MALRD1: variants seen among roughly 807,000 people sequenced by gnomAD.
MALRD1 encodes the protein MAM and LDL-receptor class A domain-containing protein 1.
In MALRD1, 247 loss-of-function variants were observed where a neutral mutation model predicts 242.1. That is an observed-to-expected ratio of 1.02 (90% confidence interval 0.92 to 1.13). The LOEUF (loss-of-function observed/expected upper bound fraction) is 1.13, where lower values mean the gene tolerates loss of function less well. Among genes scored for constraint, MALRD1 ranks in the 50% most tolerant of loss-of-function variants. The pLI is 0.00. For missense variants in MALRD1, 2,989 were observed against 2,533.1 expected (o/e 1.18, Z -3.86); for synonymous variants, 995 against 866.6 (o/e 1.15, Z -2.60).
chr10:19,347,398 A>G (rs1008519128), intron 24 of MALRD1, among the ~76,000 whole-genome samples: 1 of 152,194 alleles, frequency 6.6e-6, no homozygotes, highest in Non-Finnish European at 1.5e-5. Context: ...GCATTACCCA[A>G]CCTAAAATGT....
intron 36 of MALRD1, among the ~76,000 whole-genome samples, chr10:19,667,192 C>T (rs757297313): frequency 2.6e-5 from 4 of 152,096 alleles, no homozygotes; most frequent in Non-Finnish European, 5.9e-5. Context: ...TTCTGTGGCT[C>T]ACACCTATAA....
At chr10:19,606,423 C>G (rs1055472838) in intron 34 of MALRD1, among the ~76,000 whole-genome samples, 2 of 152,074 alleles carry the variant, frequency 1.3e-5, no homozygotes, top group Non-Finnish European at 2.9e-5. Flanking sequence ...CTTGTTGAAC[C>G]TGGGTTAAGT....
intron 36 of MALRD1, among the ~76,000 whole-genome samples, chr10:19,633,386 G>T (rs1839993063): frequency 6.6e-6 from 1 of 152,214 alleles, no homozygotes; most frequent in African/African-American, 2.4e-5. Context: ...AGTAGTAAAA[G>T]CTCGTAGGAA....
intron 28 of MALRD1, among the ~76,000 whole-genome samples, chr10:19,392,713 A>T (rs1286595747): frequency 6.6e-6 from 1 of 152,228 alleles, no homozygotes; most frequent in African/African-American, 2.4e-5. Flanking sequence ...GGATCAAAAA[A>T]ATTGAGAAAT....
intron 36 of MALRD1, among the ~76,000 whole-genome samples, chr10:19,679,935 C>G (rs990388326): frequency 6.6e-6 from 1 of 152,100 alleles, no homozygotes; most frequent in African/African-American, 2.4e-5. Context: ...GCAGGTTGTT[C>G]AATTTCCATG....
chr10:19,667,683 A>G (rs891639818), intron 36 of MALRD1, among the ~76,000 whole-genome samples: 3 of 151,952 alleles, frequency 2.0e-5, no homozygotes, highest in Admixed American at 6.6e-5. Context: ...GCTTTCTGCT[A>G]TGATTGAAAG....
intron 28 of MALRD1, among the ~76,000 whole-genome samples, chr10:19,440,735 G>A (rs1477452288): frequency 6.6e-6 from 1 of 152,242 alleles, no homozygotes; most frequent in Admixed American, 6.5e-5. Flanking sequence ...TCTTAATCCA[G>A]TCTATCATTG....
intron 5 of MALRD1, among the ~76,000 whole-genome samples, chr10:19,120,302 A>G (rs1837016497): frequency 1.3e-5 from 2 of 152,152 alleles, no homozygotes; most frequent in Non-Finnish European, 1.5e-5. Context: ...ATATTTCAAG[A>G]AAAAGGGAGG....
intron 21 of MALRD1, among the ~76,000 whole-genome samples, chr10:19,287,995 A>T (rs1445072466): frequency 1.3e-5 from 2 of 152,148 alleles, no homozygotes; most frequent in Non-Finnish European, 2.9e-5. Context: ...TGAATTTAAA[A>T]AAATTAAGCA....
At chr10:19,260,039 A>G (rs1483963211) in intron 19 of MALRD1, among the ~76,000 whole-genome samples, 1 of 152,164 alleles carries the variant, frequency 6.6e-6, no homozygotes, top group East Asian at 1.9e-4. Context: ...TAGTTGTTGG[A>G]TGGATAAGTA....
rs898199271 is a variant in MALRD1 at position 19,136,797 on chromosome 10, G to C, written c.1411+16G>C. The C allele has an allele frequency of 5.2e-5, 64 of 1,223,986 alleles. No individual in the cohort carries two copies. Among genetic ancestry groups the C allele is most frequent in the Non-Finnish European group, 6.4e-5 (63 of 981,036 alleles). The allele number at this position is 1,223,986 out of a possible 1,614,324, so 75.8% of individuals were successfully genotyped here. ...GCAACTTGCTGTAAGTGAGTGAATG[G>C]CTTACTAGTTTACATGCTCTAATTC... On this transcript the variant is annotated intron_variant, in intron 10 of 39. Transcript: ENST00000454679.
chr10:19,234,339 T>C (rs934108211), intron 18 of MALRD1, among the ~76,000 whole-genome samples: 10 of 152,100 alleles, frequency 6.6e-5, no homozygotes, highest in African/African-American at 2.4e-4. Flanking sequence ...TTTTTTTATA[T>C]GCTGACATGA....
At chr10:19,453,746 C>T (rs113422868) in intron 29 of MALRD1, among the ~76,000 whole-genome samples, 10,335 of 151,974 alleles carry the variant, frequency 0.068, 1,110 homozygotes, top group African/African-American at 0.23. Context: ...CGTTGTGGCA[C>T]ATGCTTGTAA....
chr10:19,420,274 G>T (rs1278014841), intron 28 of MALRD1, among the ~76,000 whole-genome samples: 2 of 151,904 alleles, frequency 1.3e-5, no homozygotes, highest in Non-Finnish European at 2.9e-5. Flanking sequence ...CAGGTAATCG[G>T]AATGAGTCAG....
intron 24 of MALRD1, among the ~76,000 whole-genome samples, chr10:19,336,202 T>C (rs1224869980): frequency 1.3e-5 from 2 of 152,208 alleles, no homozygotes; most frequent in African/African-American, 4.8e-5. Flanking sequence ...TTTGTGTATC[T>C]AGGAACTCTA....
intron 14 of MALRD1, among the ~76,000 whole-genome samples, chr10:19,189,528 T>C (rs369522767): frequency 1.3e-4 from 20 of 152,282 alleles, no homozygotes; most frequent in East Asian, 3.9e-4. Context: ...TGAACCTATA[T>C]GCTTTATGAT....
chr10:19,450,375 T>C lies in MALRD1; in HGVS notation c.4914T>C (p.Ala1638=), dbSNP rs575489364. 1 of 1,550,160 alleles carries C rather than the reference T, an allele frequency of 6.5e-7. No individual in the cohort carries two copies. Among genetic ancestry groups the C allele is most frequent in the Non-Finnish European group, 8.7e-7 (1 of 1,146,948 alleles). ...KQNPGNHWQK[A]DILLGKLRNF... ...ACCCTGGTAATCATTGGCAAAAGGC[T>C]GACATCCTGCTAGGAAAGTTAAGGA... The change falls in exon 29 of 40, where the codon GCT becomes GCC. Residue 1638 remains alanine, a synonymous_variant. Transcript: ENST00000454679.
intron 18 of MALRD1, among the ~76,000 whole-genome samples, chr10:19,239,004 G>A (rs769028851): frequency 1.3e-4 from 19 of 150,504 alleles, no homozygotes; most frequent in African/African-American, 3.4e-4. Context: ...TTATATATTC[G>A]TCTTGACCAT....
intron 18 of MALRD1, among the ~76,000 whole-genome samples, chr10:19,216,807 G>A (rs2358360): frequency 6.6e-6 from 1 of 151,734 alleles, no homozygotes; most frequent in Admixed American, 6.6e-5. Flanking sequence ...TTAGCTGGGC[G>A]TGGTGGTGCG....
Sources: allele counts gnomAD v4.1 joint callset (sites outside exome capture counted in the v4.1 genomes callset), GRCh38; gene constraint gnomAD v4.1.1; transcripts MANE v1.5; gene names NCBI Gene and HGNC (gene_info 2026-07-23, HGNC 2026-07-21).